GRID2: variants seen among roughly 807,000 people sequenced by gnomAD.
GRID2 encodes the protein glutamate ionotropic receptor delta type subunit 2, also known as glutamate receptor ionotropic, delta-2.
In GRID2, 33 loss-of-function variants were observed where a neutral mutation model predicts 114.8. The ratio of observed to expected loss-of-function variants is 0.29; its 90% CI spans 0.22 to 0.38. The LOEUF (loss-of-function observed/expected upper bound fraction) is 0.38, where lower values mean the gene tolerates loss of function less well. GRID2 is among the 10% of genes least tolerant of loss of function. GRID2 has a pLI of 1.00. For synonymous variants in GRID2, 505 were observed against 449.9 expected (o/e 1.12, Z -1.55); for missense variants, 1,184 against 1,257.7 (o/e 0.94, Z 0.89).
chr4:93,699,316 A>T (rs1727305820), intron 14 of GRID2, among the ~76,000 whole-genome samples: 2 of 152,076 alleles, frequency 1.3e-5, no homozygotes, highest in Admixed American at 1.3e-4. Flanking sequence ...ACATTAATGT[A>T]ACCCCAATTA....
At chr4:92,418,736 C>T (rs1358304861) in intron 1 of GRID2, among the ~76,000 whole-genome samples, 5 of 152,022 alleles carry the variant, frequency 3.3e-5, no homozygotes, top group Admixed American at 2.6e-4. Context: ...CCACACCCCC[C>T]TAAAAAGGAC....
Position 93,786,882 on chromosome 4 carries a change from G to A in GRID2, c.221+17432G>A, listed in dbSNP as rs78621898. 5.0e-3 allele frequency among the ~76,000 whole-genome samples: 766 copies of A among 152,264 alleles called. 9 individuals carry two copies. The highest frequency in any genetic ancestry group is 6.7e-3 in the Non-Finnish European group (454 of 68,016). On this transcript the variant is annotated intron_variant, in intron 1 of 1. Coordinates refer to the GRID2 transcript ENST00000637838. ...GACTTGGATTTAACAGAGAGTTGTA[G>A]AGTAAGCAGTAAAATGACTACTCAA...
intron 13 of GRID2, among the ~76,000 whole-genome samples, chr4:93,559,494 G>A (rs1445582031): frequency 6.6e-6 from 1 of 152,162 alleles, no homozygotes; most frequent in African/African-American, 2.4e-5. Context: ...ATCATCGTTG[G>A]TCATTGGAGA....
At chr4:92,311,396 G>T (rs62310993) in intron 1 of GRID2, among the ~76,000 whole-genome samples, 9,976 of 152,074 alleles carry the variant, frequency 0.066, 374 homozygotes, top group Middle Eastern at 0.14. Context: ...GACCCCGAAA[G>T]CTTCTTGAGT....
intron 2 of GRID2, among the ~76,000 whole-genome samples, chr4:92,944,991 T>C (rs1751513798): frequency 6.6e-6 from 1 of 152,196 alleles, no homozygotes; most frequent in African/African-American, 2.4e-5. Flanking sequence ...ATATGAAACC[T>C]GTGAATAATT....
chr4:92,405,717 A>G (rs1236121379), intron 1 of GRID2, among the ~76,000 whole-genome samples: 1 of 64,830 alleles, frequency 1.5e-5, no homozygotes, highest in South Asian at 5.7e-4. Context: ...TCAGTAATAC[A>G]AAAAAAAAAA....
intron 8 of GRID2, among the ~76,000 whole-genome samples, chr4:93,248,919 A>G (rs1748504611): frequency 6.6e-6 from 1 of 152,218 alleles, no homozygotes; most frequent in Non-Finnish European, 1.5e-5. Context: ...GACATCACTA[A>G]GACATTAGTC....
chr4:92,696,453 A>G (rs755910804), intron 2 of GRID2, among the ~76,000 whole-genome samples: 15 of 152,160 alleles, frequency 9.9e-5, no homozygotes, highest in Non-Finnish European at 1.0e-4. Context: ...TTTTGACAGG[A>G]GTTAATTTTC....
At chr4:92,346,341 C>T (rs905740296) in intron 1 of GRID2, among the ~76,000 whole-genome samples, 1 of 152,070 alleles carries the variant, frequency 6.6e-6, no homozygotes, top group African/African-American at 2.4e-5. Context: ...TATAATTTGA[C>T]TCATATTTTA....
chr4:92,468,205 A>G (rs1721852253), intron 1 of GRID2, among the ~76,000 whole-genome samples: 1 of 152,058 alleles, frequency 6.6e-6, no homozygotes, highest in African/African-American at 2.4e-5. Context: ...AGTGGTTATC[A>G]TGTTAAAGGC....
At chr4:92,540,585 A>T (rs1005894370) in intron 1 of GRID2, among the ~76,000 whole-genome samples, 3 of 152,220 alleles carry the variant, frequency 2.0e-5, no homozygotes, top group African/African-American at 7.2e-5. Flanking sequence ...AATCAAAACC[A>T]CAATGAGATA....
intron 2 of GRID2, among the ~76,000 whole-genome samples, chr4:92,868,000 A>C (rs1257679687): frequency 6.6e-6 from 1 of 151,950 alleles, no homozygotes; most frequent in Admixed American, 6.6e-5. Flanking sequence ...GGTGATAGGC[A>C]AATGATACTG....
chr4:93,525,297 G>A (rs1730773782), intron 13 of GRID2, among the ~76,000 whole-genome samples: 2 of 152,070 alleles, frequency 1.3e-5, no homozygotes, highest in Non-Finnish European at 2.9e-5. Context: ...AATGGGATAG[G>A]GAGGAGAGGG....
At chr4:93,430,286 C>T (rs1356657698) in intron 10 of GRID2, among the ~76,000 whole-genome samples, 3 of 152,070 alleles carry the variant, frequency 2.0e-5, no homozygotes, top group Non-Finnish European at 4.4e-5. Flanking sequence ...GTTCAAGCGA[C>T]TCTCCTGCCT....
chr4:92,329,429 C>T (rs2110140533), intron 1 of GRID2, among the ~76,000 whole-genome samples: 1 of 152,144 alleles, frequency 6.6e-6, no homozygotes, highest in Non-Finnish European at 1.5e-5. Flanking sequence ...ATTGATGTTT[C>T]TCCCTGCTTG....
intron 13 of GRID2, among the ~76,000 whole-genome samples, chr4:93,520,606 TA>T (rs201629696): frequency 2.0e-5 from 3 of 151,812 alleles, no homozygotes; most frequent in East Asian, 3.9e-4. Flanking sequence ...GAGAGGGGGT[TA>T]GGGGATGGAG....
chr4:93,699,032 G>A (rs1451998046), intron 14 of GRID2, among the ~76,000 whole-genome samples: 2 of 152,144 alleles, frequency 1.3e-5, no homozygotes, highest in African/African-American at 2.4e-5. Context: ...GCTAAGTAGG[G>A]TGCCCATCCT....
At chr4:93,316,320 G>GAAAGAAAGAAAGAAAGAAAGAAAA in intron 8 of GRID2, among the ~76,000 whole-genome samples, 1 of 93,058 alleles carries the variant, frequency 1.1e-5, no homozygotes, top group Middle Eastern at 4.8e-3. Context: ...AAGAAAGAAA[G>GAAAGAAAGAAAGAAAGAAAGAAAA]AAAGAAAGAA....
chr4:92,838,051 G>A (rs1051033489), intron 2 of GRID2, among the ~76,000 whole-genome samples: 2 of 151,994 alleles, frequency 1.3e-5, no homozygotes, highest in Admixed American at 6.6e-5. Context: ...GAAACAATTT[G>A]TTCTATTACA....
Sources: gnomAD v4.1 joint callset for allele counts (sites outside exome capture counted in the v4.1 genomes callset) on GRCh38, gnomAD v4.1.1 for gene constraint, MANE v1.5 for transcripts, NCBI Gene and HGNC (gene_info 2026-07-23, HGNC 2026-07-21) for gene names.